Variants in CACNA1E observed in about 807,000 individuals in gnomAD.
CACNA1E encodes calcium voltage-gated channel subunit alpha1 E.
A neutral mutation model predicts 259.2 loss-of-function variants in CACNA1E; 40 were observed. The observed-to-expected ratio is 0.15, with a 90% confidence interval of 0.12 to 0.20. The LOEUF is 0.20. Ranked by LOEUF, CACNA1E falls within the 10% of genes least tolerant of loss-of-function variation. The pLI, the probability that CACNA1E is intolerant of heterozygous loss-of-function variation, is 1.00. For missense variants in CACNA1E, 1,874 were observed against 3,040.1 expected (o/e 0.62, Z 9.02); for synonymous variants, 1,104 against 1,138.5 (o/e 0.97, Z 0.61).
chr1:181,498,673 A>C (rs1444655987), intron 1 of CACNA1E, among the ~76,000 whole-genome samples: 3 of 152,192 alleles, frequency 2.0e-5, no homozygotes, highest in East Asian at 3.8e-4. Context: ...TCAAACTCAC[A>C]CTTATCCATA....
At chr1:181,522,041 A>G (rs1667031635) in intron 3 of CACNA1E, among the ~76,000 whole-genome samples, 1 of 152,214 alleles carries the variant, frequency 6.6e-6, no homozygotes, top group Non-Finnish European at 1.5e-5. Flanking sequence ...TTGAAACAGG[A>G]AAGTGAACAG....
intron 3 of CACNA1E, among the ~76,000 whole-genome samples, chr1:181,520,104 G>C (rs1342566819): frequency 6.6e-6 from 1 of 152,100 alleles, no homozygotes; most frequent in Non-Finnish European, 1.5e-5. Flanking sequence ...AATGCAGAAG[G>C]CTTCATATTC....
At chr1:181,571,276 T>C (rs1650385076) in intron 3 of CACNA1E, among the ~76,000 whole-genome samples, 1 of 152,228 alleles carries the variant, frequency 6.6e-6, no homozygotes, top group Non-Finnish European at 1.5e-5. Flanking sequence ...CTGAAGAGCG[T>C]GTGCCTTATC....
intron 1 of CACNA1E, among the ~76,000 whole-genome samples, chr1:181,348,318 G>A (rs1475899430): frequency 1.1e-4 from 17 of 152,056 alleles, no homozygotes; most frequent in Admixed American, 1.1e-3. Context: ...ATCAAACCAG[G>A]TCGCATCTAA....
intron 3 of CACNA1E, among the ~76,000 whole-genome samples, chr1:181,542,960 G>T (rs1668714690): frequency 6.7e-6 from 1 of 149,590 alleles, no homozygotes; most frequent in Non-Finnish European, 1.5e-5. Flanking sequence ...GCATATTAAA[G>T]AATATAAACA....
chr1:181,322,849 A>G (rs1650466613), intron 1 of CACNA1E, among the ~76,000 whole-genome samples: 1 of 152,170 alleles, frequency 6.6e-6, no homozygotes, highest in Non-Finnish European at 1.5e-5. Flanking sequence ...CTAGATTCTC[A>G]GTACAGGATT....
intron 1 of CACNA1E, among the ~76,000 whole-genome samples, chr1:181,498,195 G>A (rs1355114061): frequency 6.6e-6 from 1 of 152,134 alleles, no homozygotes; most frequent in African/African-American, 2.4e-5. Flanking sequence ...TTTACATACT[G>A]AATGCAGCTT....
intron 2 of CACNA1E, among the ~76,000 whole-genome samples, chr1:181,461,716 A>G (rs574093629): frequency 6.6e-6 from 1 of 151,722 alleles, no homozygotes; most frequent in Non-Finnish European, 1.5e-5. Context: ...TAAATCATCA[A>G]TTTCTGAGGG....
At chr1:181,703,707 C>T (rs1652504876) in intron 7 of CACNA1E, among the ~76,000 whole-genome samples, 1 of 152,168 alleles carries the variant, frequency 6.6e-6, no homozygotes, top group Admixed American at 6.5e-5. Context: ...ATAGCACTGG[C>T]TTTGGAACGT....
chr1:181,381,851 A>G (rs1413749142), intron 1 of CACNA1E, among the ~76,000 whole-genome samples: 4 of 152,214 alleles, frequency 2.6e-5, no homozygotes, highest in African/African-American at 4.8e-5. Context: ...TGTGAATTCT[A>G]TTTTCCCAAA....
At chr1:181,376,400 A>G (rs10910927) in intron 1 of CACNA1E, among the ~76,000 whole-genome samples, 59,705 of 152,128 alleles carry the variant, frequency 0.39, 11,895 homozygotes, top group Admixed American at 0.46. Flanking sequence ...CTACGATTGC[A>G]TTGGCCTATT....
chr1:181,367,469 TG>T (rs1654365788), intron 1 of CACNA1E, among the ~76,000 whole-genome samples: 2 of 151,424 alleles, frequency 1.3e-5, no homozygotes, highest in South Asian at 4.1e-4. Context: ...GTATAGACAT[TG>T]GAGTTGTAGA....
intron 6 of CACNA1E, among the ~76,000 whole-genome samples, chr1:181,619,895 G>C (rs944186364): frequency 1.3e-5 from 2 of 152,054 alleles, no homozygotes; most frequent in Non-Finnish European, 2.9e-5. Flanking sequence ...ATTGGGGAGG[G>C]GGGAAGGATC....
chr1:181,621,070 C>G (rs6671159), intron 6 of CACNA1E, among the ~76,000 whole-genome samples: 13,571 of 152,242 alleles, frequency 0.089, 744 homozygotes, highest in South Asian at 0.15. Flanking sequence ...TATCCATCTA[C>G]TTATTTAGGA....
At chr1:181,788,982 A>C (rs1439631412) in intron 43 of CACNA1E, among the ~76,000 whole-genome samples, 1 of 152,206 alleles carries the variant, frequency 6.6e-6, no homozygotes, top group Non-Finnish European at 1.5e-5. Flanking sequence ...CTCCTGCCTC[A>C]GCCTCCTGTG....
At chr1:181,393,787 G>T (rs896447525) in intron 1 of CACNA1E, among the ~76,000 whole-genome samples, 6 of 152,182 alleles carry the variant, frequency 3.9e-5, no homozygotes, top group African/African-American at 1.4e-4. Context: ...TTCTGATGGG[G>T]GCAGTGAGTA....
intron 2 of CACNA1E, among the ~76,000 whole-genome samples, chr1:181,472,467 G>A (rs1330724937): frequency 6.6e-6 from 1 of 152,130 alleles, no homozygotes; most frequent in African/African-American, 2.4e-5. Context: ...ATATGTATCC[G>A]ATAACATCCT....
At chr1:181,719,664 A>C in intron 12 of CACNA1E, 87 bp from the exon 13 acceptor site, 6 of 617,894 alleles carry the variant, frequency 9.7e-6, no homozygotes, top group Non-Finnish European at 1.7e-5. Context: ...TCCCCCACTG[A>C]GAGCTGTTGA....
intron 1 of CACNA1E, among the ~76,000 whole-genome samples, chr1:181,392,319 T>C (rs1005509553): frequency 2.0e-5 from 3 of 152,220 alleles, no homozygotes; most frequent in African/African-American, 4.8e-5. Context: ...CCTATCATTC[T>C]TCAAGAATGG....
Sources: allele counts gnomAD v4.1 joint callset (sites outside exome capture counted in the v4.1 genomes callset), GRCh38; gene constraint gnomAD v4.1.1; transcripts MANE v1.5; gene names NCBI Gene and HGNC (gene_info 2026-07-23, HGNC 2026-07-21).